FRRS1L: variants seen among roughly 807,000 people sequenced by gnomAD.
FRRS1L encodes the protein ferric chelate reductase 1 like.
A neutral mutation model predicts 28.6 loss-of-function variants in FRRS1L; 22 were observed. That is an observed-to-expected ratio of 0.77 (90% CI 0.55 to 1.10). The LOEUF (loss-of-function observed/expected upper bound fraction) is 1.10. Ranked by LOEUF, FRRS1L falls within the 50% of genes least tolerant of loss-of-function variation. The pLI, the probability that FRRS1L is intolerant of heterozygous loss-of-function variation, is 0.00. For missense variants in FRRS1L, 380 were observed against 386.9 expected, an observed-to-expected ratio of 0.98 and a Z score of 0.15; for synonymous variants, 158 against 151.4, an observed-to-expected ratio of 1.04 and a Z score of -0.32.
chr9:109,157,192 A>G (rs933153236), intron 1 of FRRS1L, among the ~76,000 whole-genome samples: 6 of 152,158 alleles, frequency 3.9e-5, no homozygotes, highest in South Asian at 2.1e-4. Context: ...GTTAATTTCA[A>G]ATCTTACAGC....
chr9:109,138,885 G>C (rs905184209), intron 4 of FRRS1L: 12 of 152,144 alleles, frequency 7.9e-5, no homozygotes, highest in Admixed American at 7.9e-4. Context: ...TAGGAGAATA[G>C]GTAGGATATA....
At position 109,166,894 on chromosome 9, in the gene FRRS1L, G is replaced by T; in HGVS notation, c.238+7C>A. 1 of 1,022,562 alleles carries T rather than the reference G, an allele frequency of 9.8e-7. No homozygotes were observed. The highest frequency in any genetic ancestry group is 1.2e-6 in the Non-Finnish European group (1 of 806,342). The allele number at this position is 1,022,562 out of a possible 1,614,324, so 63.3% of individuals were successfully genotyped here. ...TCCCGCAACCCCTCGCCCTCCCGCAGCCTCACCCTCCTCCGACAGGTAGCG... is the reference window on the plus strand; with the variant it reads ...TCCCGCAACCCCTCGCCCTCCCGCATCCTCACCCTCCTCCGACAGGTAGCG... On this transcript the variant is annotated splice_region_variant and intron_variant, in intron 1 of 4. Transcript: ENST00000561981.
intron 3 of FRRS1L, among the ~76,000 whole-genome samples, chr9:109,143,823 TTTAAAAAG>T (rs1447763537): frequency 6.6e-6 from 1 of 152,120 alleles, no homozygotes; most frequent in African/African-American, 2.4e-5. Context: ...ATGTACCATT[TTTAAAAAG>T]TTAAACGCTT....
At chr9:109,149,552 A>G in intron 2 of FRRS1L, 84 bp downstream of exon 2, 1 of 892,480 alleles carries the variant, frequency 1.1e-6, no homozygotes, top group East Asian at 2.5e-5. Flanking sequence ...CCCTGATTAG[A>G]AGGAACTGCA....
chr9:109,161,441 C>T (rs760020266), intron 1 of FRRS1L, among the ~76,000 whole-genome samples: 18 of 152,142 alleles, frequency 1.2e-4, no homozygotes, highest in Admixed American at 2.0e-4. Context: ...TAAGCTCTTT[C>T]AGTAAATTCT....
intron 4 of FRRS1L, chr9:109,138,869 G>A (rs1046869165): frequency 2.6e-5 from 4 of 152,012 alleles, no homozygotes; most frequent in African/African-American, 7.2e-5. Context: ...CCCCTTACAG[G>A]GACCTTAGGA....
rs1329076194 is a variant in FRRS1L at position 109,154,188 on chromosome 9, C to T, written c.239-4468G>A. Among the ~76,000 whole-genome samples the T allele has an allele frequency of 2.0e-5, 3 of 152,210 alleles. No individual in the cohort carries two copies. In the East Asian group the frequency reaches 5.8e-4, roughly 29 times the overall value. ...CATTCTCAAAGGATGGGTCACAGCT[C>T]TGCGAGGTCCTGGTCTGGGACCTTT... On this transcript the variant is annotated intron_variant, in intron 1 of 4. Transcript: ENST00000561981.
At chr9:109,158,113 C>G (rs1474458360) in intron 1 of FRRS1L, among the ~76,000 whole-genome samples, 1 of 152,114 alleles carries the variant, frequency 6.6e-6, no homozygotes, top group African/African-American at 2.4e-5. Flanking sequence ...ACTTGAGTGT[C>G]TGGTAGAACT....
chr9:109,144,681 T>G (rs141337440), intron 3 of FRRS1L, among the ~76,000 whole-genome samples: 6 of 63,148 alleles, frequency 9.5e-5, no homozygotes, highest in Non-Finnish European at 2.2e-4. Flanking sequence ...TGCTATTTTC[T>G]TTTTCTTTTT....
intron 1 of FRRS1L, among the ~76,000 whole-genome samples, chr9:109,163,790 T>A (rs1197832749): frequency 1.3e-5 from 2 of 152,124 alleles, no homozygotes; most frequent in Non-Finnish European, 2.9e-5. Flanking sequence ...ATGGACAACC[T>A]CAAGTGTATT....
At chr9:109,145,806 G>T (rs1347773714) in intron 3 of FRRS1L, among the ~76,000 whole-genome samples, 3 of 152,154 alleles carry the variant, frequency 2.0e-5, no homozygotes, top group African/African-American at 7.2e-5. Context: ...ACCCAACAGG[G>T]TGTTGAAGCT....
intron 1 of FRRS1L, among the ~76,000 whole-genome samples, chr9:109,166,588 G>C (rs544596432): frequency 6.6e-6 from 1 of 152,122 alleles, no homozygotes; most frequent in East Asian, 1.9e-4. Flanking sequence ...TAAGAACTGG[G>C]GGAGCTTAGA....
At chr9:109,163,633 G>T (rs903277216) in intron 1 of FRRS1L, among the ~76,000 whole-genome samples, 5 of 152,082 alleles carry the variant, frequency 3.3e-5, no homozygotes, top group African/African-American at 1.2e-4. Context: ...TGGTCAGTAG[G>T]CTCTCTCTCA....
intron 2 of FRRS1L, 45 bp downstream of exon 2, chr9:109,149,591 A>C (rs1446246436): frequency 1.6e-6 from 2 of 1,280,358 alleles, no homozygotes; most frequent in Admixed American, 1.7e-5. Flanking sequence ...CTGAGAAGTA[A>C]ATCAGTCTTA....
intron 1 of FRRS1L, among the ~76,000 whole-genome samples, chr9:109,155,578 C>T (rs997367681): frequency 5.9e-5 from 9 of 151,874 alleles, no homozygotes; most frequent in Non-Finnish European, 2.9e-5. Flanking sequence ...AAAAAGCACA[C>T]CTGTAGTCCT....
intron 1 of FRRS1L, among the ~76,000 whole-genome samples, chr9:109,154,480 T>C (rs1831378615): frequency 6.6e-6 from 1 of 152,226 alleles, no homozygotes; most frequent in East Asian, 1.9e-4. Flanking sequence ...TTATTAGTAC[T>C]TATCCGAAGG....
At position 109,134,177 on chromosome 9, in the gene FRRS1L, G is replaced by A. The variant is rs962124153; in HGVS notation, c.*3278C>T. On this transcript the variant is annotated 3_prime_UTR_variant, in exon 5 of 5. Transcript: ENST00000561981. ...CAAGCCTTCTGAACCAAACAAACTT[G>A]CCATAGAAGTATAGTTTCACATATA... The A allele has an allele frequency of 6.6e-6, 1 of 152,194 alleles. No homozygotes were observed. Among genetic ancestry groups the A allele is most frequent in the African/African-American group, 2.4e-5 (1 of 41,444 alleles). 9.4% of individuals were successfully genotyped at this position (152,194 alleles called of 1,614,324 possible).
chr9:109,164,514 T>G (rs1364638370), intron 1 of FRRS1L, among the ~76,000 whole-genome samples: 1 of 150,830 alleles, frequency 6.6e-6, no homozygotes, highest in Non-Finnish European at 1.5e-5. Flanking sequence ...TTCTCCTGCC[T>G]CAGCCTCCTG....
At chr9:109,146,935 G>C (rs1306920764) in intron 3 of FRRS1L, 116 bp downstream of exon 3, 1 of 928,330 alleles carries the variant, frequency 1.1e-6, no homozygotes. Flanking sequence ...TGCAATCAGA[G>C]AGCCATAACT....
Sources: allele counts gnomAD v4.1 joint callset (sites outside exome capture counted in the v4.1 genomes callset), GRCh38; gene constraint gnomAD v4.1.1; transcripts MANE v1.5; gene names NCBI Gene and HGNC (gene_info 2026-07-23, HGNC 2026-07-21).